DEPDC5: variants seen among roughly 807,000 people sequenced by gnomAD.
The protein encoded by DEPDC5 is GATOR1 complex protein DEPDC5.
DEPDC5 carries 73 observed loss-of-function variants against 217.3 expected under a neutral mutation model. The ratio of observed to expected loss-of-function variants is 0.34; its 90% CI spans 0.28 to 0.41. DEPDC5 has a LOEUF of 0.41. Ranked by LOEUF, DEPDC5 falls within the 10% of genes least tolerant of loss-of-function variation. The probability of loss-of-function intolerance (pLI) is 1.00; values close to 1 mark genes in which losing one functional copy is unlikely to be tolerated. For missense variants in DEPDC5, 1,675 were observed against 2,070.1 expected (o/e 0.81, Z 3.70); for synonymous variants, 733 against 756.7 (o/e 0.97, Z 0.51).
chr22:31,757,952 C>T (rs1215243155), intron 2 of DEPDC5, among the ~76,000 whole-genome samples: 4 of 151,918 alleles, frequency 2.6e-5, no homozygotes, highest in East Asian at 3.9e-4. Flanking sequence ...TTAGTAGAGA[C>T]GGGGTTTCGC....
intron 40 of DEPDC5, among the ~76,000 whole-genome samples, chr22:31,900,844 G>A (rs2093635830): frequency 1.3e-5 from 2 of 152,056 alleles, no homozygotes; most frequent in South Asian, 4.1e-4. Context: ...GAGAGGCAGA[G>A]GTGGGAGGAT....
intron 28 of DEPDC5, 79 bp downstream of exon 28, chr22:31,843,291 A>G: frequency 2.9e-6 from 4 of 1,377,008 alleles, no homozygotes; most frequent in Non-Finnish European, 4.0e-6. Context: ...ATAGTACATC[A>G]TTCAAACTGA....
At chr22:31,823,806 T>G (rs2089924042) in intron 24 of DEPDC5, among the ~76,000 whole-genome samples, 1 of 152,208 alleles carries the variant, frequency 6.6e-6, no homozygotes, top group Non-Finnish European at 1.5e-5. Context: ...AATATTAAAG[T>G]AACCTCTCAA....
chr22:31,761,155 G>A (rs2082356043), intron 4 of DEPDC5, among the ~76,000 whole-genome samples: 3 of 151,900 alleles, frequency 2.0e-5, no homozygotes, highest in Non-Finnish European at 4.4e-5. Context: ...CTAATTTTTT[G>A]TATTTTTAGT....
At chr22:31,799,231 C>T (rs972518588) in intron 14 of DEPDC5, among the ~76,000 whole-genome samples, 12 of 151,192 alleles carry the variant, frequency 7.9e-5, no homozygotes, top group Admixed American at 7.3e-4. Context: ...TTTTAGGAGA[C>T]ACGGGGTTTC....
Position 31,771,927 on chromosome 22 carries a change from G to A in DEPDC5, c.413+3064G>A, listed in dbSNP as rs73162144. On this transcript the variant is annotated intron_variant, in intron 7 of 42. Coordinates refer to ENST00000651528, the MANE Select transcript of DEPDC5 (RefSeq NM_001242896.3). The stretch of plus-strand genomic sequence containing the variant: ...TACAAAAAAATACAAAAATTAGCTG[G>A]TCATGGTGGCGCTTGTAGTCCCAGT... Among the ~76,000 whole-genome samples, 1,086 of 152,040 alleles carry A rather than the reference G, an allele frequency of 7.1e-3. 5 individuals are homozygous for A. The highest frequency in any genetic ancestry group is 0.011 in the Non-Finnish European group (716 of 67,978).
intron 7 of DEPDC5, among the ~76,000 whole-genome samples, chr22:31,773,883 C>T (rs1014352007): frequency 1.3e-5 from 2 of 152,066 alleles, no homozygotes; most frequent in Non-Finnish European, 2.9e-5. Flanking sequence ...ACCAGCCTGG[C>T]GAACATGGTG....
chr22:31,812,623 A>G (rs1186840889), intron 20 of DEPDC5, among the ~76,000 whole-genome samples: 1 of 143,736 alleles, frequency 7.0e-6, no homozygotes, highest in Non-Finnish European at 1.5e-5. Context: ...ACGGGGTTTC[A>G]CCGTGTTAGC....
At chr22:31,809,227 G>T (rs527753063) in intron 18 of DEPDC5, among the ~76,000 whole-genome samples, 4 of 152,264 alleles carry the variant, frequency 2.6e-5, no homozygotes, top group Admixed American at 1.3e-4. Flanking sequence ...TGACAGCACC[G>T]TAGTGAAGGG....
chr22:31,903,041 C>G (rs1312176057), intron 41 of DEPDC5, among the ~76,000 whole-genome samples: 1 of 151,908 alleles, frequency 6.6e-6, no homozygotes, highest in Non-Finnish European at 1.5e-5. Context: ...CTTTCCTCCT[C>G]AGCCAGCTTT....
intron 37 of DEPDC5, among the ~76,000 whole-genome samples, chr22:31,879,041 AAAAT>A (rs1463185372): frequency 7.9e-6 from 1 of 125,902 alleles, no homozygotes; most frequent in Non-Finnish European, 1.6e-5. Flanking sequence ...AAAAAAAAAA[AAAAT>A]ATATATATAT....
chr22:31,785,096 A>G (rs1427171304), intron 10 of DEPDC5: 5 of 463,656 alleles, frequency 1.1e-5, no homozygotes, highest in Non-Finnish European at 1.5e-5. Context: ...TTCCCCCAAG[A>G]TCAGTAACAA....
intron 41 of DEPDC5, among the ~76,000 whole-genome samples, chr22:31,904,103 C>A (rs1362575376): frequency 1.3e-5 from 2 of 151,760 alleles, no homozygotes; most frequent in Non-Finnish European, 2.9e-5. Flanking sequence ...TCTTCCTCAG[C>A]CCCTAGGCTG....
At chr22:31,763,090 A>G (rs1569509738) in intron 4 of DEPDC5, among the ~76,000 whole-genome samples, 1 of 151,986 alleles carries the variant, frequency 6.6e-6, no homozygotes, top group Non-Finnish European at 1.5e-5. Context: ...TCCTGGATTC[A>G]AGGGATTCTC....
At chr22:31,770,081 A>C (rs563333371) in intron 7 of DEPDC5, among the ~76,000 whole-genome samples, 4 of 151,334 alleles carry the variant, frequency 2.6e-5, no homozygotes, top group South Asian at 2.1e-4. Flanking sequence ...GAAAAAAAAA[A>C]AAAACAGCCA....
intron 16 of DEPDC5, 27 bp from the exon 17 acceptor site, chr22:31,804,815 T>C: frequency 6.2e-7 from 1 of 1,607,970 alleles, no homozygotes; most frequent in Non-Finnish European, 8.5e-7. Context: ...CTGTAGCTTA[T>C]CTGTGCTCTC....
In DEPDC5 at chr22:31,809,647, T is replaced by C; in HGVS notation, c.1324T>C (p.Ser442Pro). The part of the protein sequence containing the change: ...SEKAKNGRDT[S>P]LGSPKESENA... ...GAAAGCAAAAAATGGCCGTGATACA[T>C]GTGAGTATTTTTTGAGATTTTTTTT... Residue 442 changes from serine (S) to proline (P), a missense_variant and splice_region_variant, in exon 19 of 43, where the codon TCT becomes CCT. Physicochemically the swap from Ser to Pro is moderately conservative, Grantham distance 74. Around this residue, in one of 11 missense-constraint regions of DEPDC5, gnomAD observed 628 missense variants for 762.1 expected, o/e 0.82. Coordinates refer to ENST00000651528, the MANE Select transcript of DEPDC5 (RefSeq NM_001242896.3). 1 of 1,613,968 alleles carries C rather than the reference T, an allele frequency of 6.2e-7. No individual in the cohort carries two copies. The highest frequency in any genetic ancestry group is 1.1e-5 in the South Asian group (1 of 91,078).
intron 24 of DEPDC5, among the ~76,000 whole-genome samples, chr22:31,830,505 T>A (rs2090508724): frequency 6.6e-6 from 1 of 152,170 alleles, no homozygotes; most frequent in Admixed American, 6.5e-5. Flanking sequence ...AGGCAGTGTG[T>A]TGGGCTTGAA....
In DEPDC5 at chr22:31,804,930, G is replaced by A. The variant is rs200208212; in HGVS notation, c.1217+15G>A. 9.0e-5 allele frequency: 145 copies of A among 1,609,428 alleles called. No individual in the cohort carries two copies. The highest frequency in any genetic ancestry group is 1.7e-4 in the South Asian group (15 of 90,562). The stretch of plus-strand genomic sequence containing the variant: ...ATAAACCACAGGTGGGTGCGATCTC[G>A]ATCAATAGTAGGTGATAAGCGTTTT... On this transcript the variant is annotated intron_variant, in intron 17 of 42. Coordinates refer to ENST00000651528, the MANE Select transcript of DEPDC5 (RefSeq NM_001242896.3).
Sources: gnomAD v4.1 joint callset for allele counts (sites outside exome capture counted in the v4.1 genomes callset) on GRCh38, gnomAD v4.1.1 for gene constraint, gnomAD v4.1.1 regional missense constraint, MANE v1.5 for transcripts, NCBI Gene and HGNC (gene_info 2026-07-23, HGNC 2026-07-21) for gene names.